Variants in RNFT2 observed in about 807,000 individuals in gnomAD.
RNFT2 encodes the protein E3 ubiquitin-protein ligase RNFT2.
Under a neutral mutation model 53.0 loss-of-function variants are expected in RNFT2, and 36 were observed. That is an observed-to-expected ratio of 0.68 (90% CI 0.52 to 0.90). RNFT2 has a LOEUF of 0.90. RNFT2 is among the 40% of genes least tolerant of loss of function. The probability of loss-of-function intolerance (pLI) is 0.00; values close to 1 mark genes in which losing one functional copy is unlikely to be tolerated. For missense variants in RNFT2, 514 were observed against 585.6 expected (o/e 0.88, Z 1.26); for synonymous variants, 260 against 253.2 (o/e 1.03, Z -0.26).
intron 4 of RNFT2, among the ~76,000 whole-genome samples, chr12:116,753,190 G>T (rs1300783985): frequency 2.0e-5 from 2 of 98,162 alleles, no homozygotes; most frequent in Non-Finnish European, 3.7e-5. Flanking sequence ...TTGCTCTGTT[G>T]CCCAGGCTGG....
intron 6 of RNFT2, among the ~76,000 whole-genome samples, chr12:116,771,478 A>T (rs1566076350): frequency 3.6e-5 from 4 of 110,390 alleles, no homozygotes; most frequent in Admixed American, 1.1e-4. Flanking sequence ...AAAAAAAAAA[A>T]AAAAAAAAAA....
chr12:116,844,927 C>T (rs1431103096), intron 10 of RNFT2, among the ~76,000 whole-genome samples: 1 of 151,954 alleles, frequency 6.6e-6, no homozygotes, highest in African/African-American at 2.4e-5. Context: ...CAGCATAAAA[C>T]CAGGTTCTGC....
In RNFT2 at chr12:116,852,969, T is replaced by C; in HGVS notation, c.*3521T>C. On this transcript the variant is annotated 3_prime_UTR_variant, in exon 11 of 11. Transcript: ENST00000257575. ...AAGAGTGAGCCATGCCTGTTAACAC[T>C]GTAAAGAATGTAACATGTGGGGGAC... is the stretch of plus-strand genomic sequence containing the variant. 1 of 544,830 alleles carries C rather than the reference T, an allele frequency of 1.8e-6. No homozygotes were observed. The highest frequency in any genetic ancestry group is 3.3e-5 in the Admixed American group (1 of 30,186). The allele number at this position is 544,830 out of a possible 1,614,324, so 33.7% of individuals were successfully genotyped here. A position where few individuals can be genotyped will look rare whatever the true frequency, so the allele number is the denominator to read the frequency against.
Position 116,831,534 on chromosome 12 carries a change from CT to C in RNFT2, c.883-2246del, listed in dbSNP as rs764190872. ...TCTTTTTTGTACATTGTGTTTTTTA[CT>C]TTTTTTTTTTTAGTATTACAAAGAA... On this transcript the variant is annotated intron_variant, in intron 7 of 10. Coordinates refer to ENST00000257575, the MANE Select transcript of RNFT2 (RefSeq NM_001382266.1). 4.2e-3 allele frequency among the ~76,000 whole-genome samples: 605 copies of C among 143,648 alleles called. 2 individuals carry two copies. The highest frequency in any genetic ancestry group is 9.3e-3 in the African/African-American group (369 of 39,524). 94.2% of individuals were successfully genotyped at this position (143,648 alleles called of 152,430 possible). A position where few individuals can be genotyped will look rare whatever the true frequency, so the allele number is the denominator to read the frequency against.
chr12:116,759,018 A>G (rs538873240), intron 5 of RNFT2, among the ~76,000 whole-genome samples: 7 of 152,126 alleles, frequency 4.6e-5, no homozygotes, highest in Non-Finnish European at 1.0e-4. Context: ...GTCATTTAAC[A>G]TAATCCCAGA....
At chr12:116,804,363 C>A (rs1177651517) in intron 7 of RNFT2, among the ~76,000 whole-genome samples, 1 of 152,158 alleles carries the variant, frequency 6.6e-6, no homozygotes, top group Admixed American at 6.6e-5. Flanking sequence ...GCAGTCTGTG[C>A]CTTTCTAAAT....
At chr12:116,780,511 G>C (rs950479128) in intron 7 of RNFT2, among the ~76,000 whole-genome samples, 2 of 152,064 alleles carry the variant, frequency 1.3e-5, no homozygotes, top group Non-Finnish European at 2.9e-5. Flanking sequence ...CCTGCTGTGC[G>C]ACCTGGTTCC....
At chr12:116,839,875 C>A (rs1158497020) in intron 10 of RNFT2, among the ~76,000 whole-genome samples, 2 of 152,122 alleles carry the variant, frequency 1.3e-5, no homozygotes, top group African/African-American at 4.8e-5. Flanking sequence ...CCCACTACCC[C>A]CTGAGCTAGG....
intron 10 of RNFT2, among the ~76,000 whole-genome samples, chr12:116,846,788 G>C (rs920795579): frequency 2.0e-5 from 3 of 151,226 alleles, no homozygotes; most frequent in African/African-American, 7.3e-5. Flanking sequence ...CCCTAAACCA[G>C]TTAAGAGTAA....
intron 1 of RNFT2, among the ~76,000 whole-genome samples, chr12:116,740,088 C>T (rs958956578): frequency 4.0e-5 from 6 of 151,810 alleles, no homozygotes; most frequent in Admixed American, 1.3e-4. Context: ...TGCCTGTAAG[C>T]CTGTAATTTC....
intron 8 of RNFT2, among the ~76,000 whole-genome samples, chr12:116,834,537 C>T (rs1367391892): frequency 6.6e-6 from 1 of 152,198 alleles, no homozygotes; most frequent in Non-Finnish European, 1.5e-5. Flanking sequence ...AAGAAATACC[C>T]ATTAAGCAGT....
chr12:116,851,127 G>A lies in RNFT2; in HGVS notation c.*1679G>A, dbSNP rs1336609607. The A allele has an allele frequency of 1.3e-5, 2 of 152,192 alleles. No homozygotes were observed. Among genetic ancestry groups the A allele is most frequent in the Non-Finnish European group, 2.9e-5 (2 of 68,170 alleles). 9.4% of individuals were successfully genotyped at this position (152,192 alleles called of 1,614,324 possible). ...TTATAGATGAGGAAACTTGGGCACA[G>A]AGCTTGGTGCGGTAACTTTCCCAGG... is the stretch of plus-strand genomic sequence containing the variant. On this transcript the variant is annotated 3_prime_UTR_variant, in exon 11 of 11. Coordinates refer to ENST00000257575, the MANE Select transcript of RNFT2 (RefSeq NM_001382266.1).
chr12:116,796,107 C>T (rs1269159928), intron 7 of RNFT2, among the ~76,000 whole-genome samples: 1 of 152,050 alleles, frequency 6.6e-6, no homozygotes, highest in Non-Finnish European at 1.5e-5. Context: ...AGGGTTTTCA[C>T]CATTTTGGCC....
At chr12:116,788,821 T>A (rs559007574) in intron 7 of RNFT2, among the ~76,000 whole-genome samples, 52 of 70,686 alleles carry the variant, frequency 7.4e-4, no homozygotes, top group Non-Finnish European at 1.8e-3. Flanking sequence ...GGTGGATGGA[T>A]GGATAGATGG....
intron 1 of RNFT2, among the ~76,000 whole-genome samples, chr12:116,739,306 G>A (rs1473678768): frequency 4.6e-5 from 7 of 152,170 alleles, no homozygotes; most frequent in Admixed American, 4.6e-4. Context: ...TAGAAAAGGG[G>A]AACTGGGAGA....
chr12:116,807,622 C>G (rs1297233273), intron 7 of RNFT2, among the ~76,000 whole-genome samples: 2 of 152,062 alleles, frequency 1.3e-5, no homozygotes, highest in African/African-American at 4.8e-5. Flanking sequence ...CTCCCCTGAC[C>G]CAGAGACTGC....
intron 4 of RNFT2, among the ~76,000 whole-genome samples, chr12:116,751,736 C>T (rs1296972767): frequency 1.3e-5 from 2 of 151,512 alleles, no homozygotes; most frequent in Non-Finnish European, 2.9e-5. Flanking sequence ...ATCTTACTTA[C>T]TGTTTTTTTG....
At chr12:116,763,793 G>C (rs1034517956) in intron 5 of RNFT2, among the ~76,000 whole-genome samples, 2 of 136,690 alleles carry the variant, frequency 1.5e-5, no homozygotes, top group African/African-American at 5.7e-5. Flanking sequence ...AAAAAAGGGG[G>C]CGGGGGGGGA....
chr12:116,761,390 C>T (rs910164189), intron 5 of RNFT2, among the ~76,000 whole-genome samples: 2 of 152,124 alleles, frequency 1.3e-5, no homozygotes, highest in African/African-American at 4.8e-5. Flanking sequence ...TCCGGTAATC[C>T]GCACACCTTG....
Sources: allele counts gnomAD v4.1 joint callset (sites outside exome capture counted in the v4.1 genomes callset), GRCh38; gene constraint gnomAD v4.1.1; transcripts MANE v1.5; gene names NCBI Gene and HGNC (gene_info 2026-07-23, HGNC 2026-07-21).